Variants in DSE observed in about 807,000 individuals in gnomAD.
DSE encodes the protein dermatan-sulfate epimerase.
In DSE, 36 loss-of-function variants were observed where a neutral mutation model predicts 84.4. The ratio of observed to expected loss-of-function variants is 0.43; its 90% CI spans 0.33 to 0.56. DSE has a LOEUF of 0.56. Ranked by LOEUF, DSE falls within the 20% of genes least tolerant of loss-of-function variation. DSE has a pLI of 0.06. For synonymous variants in DSE, 410 were observed against 430.1 expected (o/e 0.95, Z 0.58); for missense variants, 862 against 1,169.6 (o/e 0.74, Z 3.84).
At chr6:116,388,721 T>TA (rs1184563818) in intron 1 of DSE, among the ~76,000 whole-genome samples, 6 of 152,202 alleles carry the variant, frequency 3.9e-5, no homozygotes, top group African/African-American at 1.4e-4. Context: ...CATCAGGACT[T>TA]ATATTTCTGC....
intron 5 of DSE, among the ~76,000 whole-genome samples, chr6:116,435,083 T>C (rs1784064991): frequency 6.6e-6 from 1 of 152,212 alleles, no homozygotes. Flanking sequence ...AGTTCTCCTC[T>C]ATTTCAGTTT....
At chr6:116,260,410 A>C (rs932421264) in intron 2 of DSE, among the ~76,000 whole-genome samples, 1 of 151,836 alleles carries the variant, frequency 6.6e-6, no homozygotes, top group Non-Finnish European at 1.5e-5. Context: ...AGTTTGAAAA[A>C]ATTTTCTCCC....
At chr6:116,378,660 G>T (rs762755468) in intron 1 of DSE, among the ~76,000 whole-genome samples, 8 of 151,922 alleles carry the variant, frequency 5.3e-5, no homozygotes, top group Non-Finnish European at 8.8e-5. Context: ...CTATATTCCA[G>T]GTATACAACC....
chr6:116,261,760 T>G (rs1449347874), intron 2 of DSE, among the ~76,000 whole-genome samples: 1 of 152,232 alleles, frequency 6.6e-6, no homozygotes, highest in African/African-American at 2.4e-5. Flanking sequence ...CTTGTTATTT[T>G]GAGGTATGTT....
intron 2 of DSE, among the ~76,000 whole-genome samples, chr6:116,329,376 C>G (rs2114785075): frequency 6.6e-6 from 1 of 152,272 alleles, no homozygotes; most frequent in Non-Finnish European, 1.5e-5. Flanking sequence ...TCATTACAAG[C>G]TTTGGAGAAT....
chr6:116,369,827 G>C, upstream of DSE: 1 of 1,092,382 alleles, frequency 9.2e-7, no homozygotes, highest in Non-Finnish European at 1.2e-6. Context: ...CCAAATAGAA[G>C]TGAGAACCTC....
chr6:116,432,890 A>G (rs1051282415), intron 4 of DSE: 1 of 169,886 alleles, frequency 5.9e-6, no homozygotes, highest in African/African-American at 2.4e-5. Flanking sequence ...CGTATATAGT[A>G]TAACTTACAC....
intron 2 of DSE, among the ~76,000 whole-genome samples, chr6:116,365,297 C>A (rs1301544632): frequency 6.6e-6 from 1 of 152,016 alleles, no homozygotes; most frequent in East Asian, 1.9e-4. Context: ...GCTCTATCGC[C>A]CAGGCTGGAG....
At position 116,259,293 on chromosome 6, in the gene DSE, ATTAG is replaced by A. The variant is rs1357364263; in HGVS notation, c.-54+330_-54+333del. 5.6e-6 allele frequency: 3 copies of A among 538,008 alleles called. No individual in the cohort carries two copies. The African/African-American group carries it at 5.7e-5, about 10-fold the overall frequency. 33.3% of individuals were successfully genotyped at this position (538,008 alleles called of 1,614,324 possible). ...ATGCCAGCACTTTACAGCATGATAA[ATTAG>A]TTAAATGGTTATACCTGTAGACTTA... is the stretch of plus-strand genomic sequence containing the variant. On this transcript the variant is annotated intron_variant, in intron 2 of 3. Transcript: ENST00000430252.
intron 1 of DSE, chr6:116,258,403 CATT>C: frequency 1.4e-6 from 1 of 694,078 alleles, no homozygotes; most frequent in Non-Finnish European, 2.7e-6. Context: ...TTTTTAAAGT[CATT>C]ATAATAACTT....
rs1784363538 is a variant in DSE at position 116,439,583 on chromosome 6, C to T, written c.*2238C>T. 2 of 151,544 alleles carry T rather than the reference C, an allele frequency of 1.3e-5. No homozygotes were observed. The highest frequency in any genetic ancestry group is 4.8e-5 in the African/African-American group (2 of 41,344). The allele number at this position is 151,544 out of a possible 1,614,324, so 9.4% of individuals were successfully genotyped here. On this transcript the variant is annotated 3_prime_UTR_variant, in exon 6 of 6. Transcript: ENST00000644252. ...ATGTTTTTTTTAATCAGGGATAGTG[C>T]ATATTTGAGTAAAACTAGGGAACTT...
intron 1 of DSE, 66 bp downstream of exon 1, chr6:116,371,187 G>A: frequency 1.0e-6 from 1 of 985,548 alleles, no homozygotes; most frequent in African/African-American, 1.7e-5. Flanking sequence ...GGAGTTTCGG[G>A]CGGGTAGCCT....
At chr6:116,348,409 A>T (rs1222480725) in intron 2 of DSE, among the ~76,000 whole-genome samples, 2 of 151,668 alleles carry the variant, frequency 1.3e-5, no homozygotes, top group African/African-American at 4.9e-5. Flanking sequence ...CCTGGGCGAC[A>T]GAGTGAGACT....
At chr6:116,360,762 C>T (rs953775665) in intron 2 of DSE, among the ~76,000 whole-genome samples, 1 of 152,146 alleles carries the variant, frequency 6.6e-6, no homozygotes, top group Non-Finnish European at 1.5e-5. Context: ...TCTTCAGTTA[C>T]TTATTCCTCT....
intron 2 of DSE, among the ~76,000 whole-genome samples, chr6:116,271,867 C>G (rs1489435303): frequency 6.6e-6 from 1 of 152,024 alleles, no homozygotes; most frequent in East Asian, 1.9e-4. Flanking sequence ...ATGCATAAAT[C>G]TTAAATATAT....
chr6:116,346,534 A>T (rs919821235), intron 2 of DSE, among the ~76,000 whole-genome samples: 2 of 152,218 alleles, frequency 1.3e-5, no homozygotes, highest in African/African-American at 4.8e-5. Flanking sequence ...GATTATCTCA[A>T]TAGATGCAGA....
At chr6:116,412,379 C>G (rs1428580564) in intron 2 of DSE, 1 of 152,224 alleles carries the variant, frequency 6.6e-6, no homozygotes, top group Non-Finnish European at 1.5e-5. Flanking sequence ...TTTGAACATT[C>G]TGAACTTCTC....
At chr6:116,380,251 T>C (rs1488501944) in intron 1 of DSE, among the ~76,000 whole-genome samples, 1 of 152,060 alleles carries the variant, frequency 6.6e-6, no homozygotes, top group Admixed American at 6.6e-5. Flanking sequence ...ACTTCTGTGT[T>C]TGAGGGGATG....
intron 2 of DSE, among the ~76,000 whole-genome samples, chr6:116,357,500 C>G (rs1778647739): frequency 1.3e-5 from 2 of 151,482 alleles, no homozygotes; most frequent in Admixed American, 1.3e-4. Flanking sequence ...CCACTGCACT[C>G]CAGCCTGGGT....
Sources: allele counts gnomAD v4.1 joint callset (sites outside exome capture counted in the v4.1 genomes callset), GRCh38; gene constraint gnomAD v4.1.1; transcripts MANE v1.5; gene names NCBI Gene and HGNC (gene_info 2026-07-23, HGNC 2026-07-21).